The following ARL15 variants were observed in gnomAD, a reference collection of about 807,000 sequenced individuals.
ARL15 encodes the protein ADP-ribosylation factor-like protein 15.
A neutral mutation model predicts 25.2 loss-of-function variants in ARL15; 19 were observed. That is an observed-to-expected ratio of 0.75 (90% CI 0.53 to 1.10). The LOEUF is 1.10. Among genes scored for constraint, ARL15 ranks in the 50% least tolerant of loss-of-function variants. The probability of loss-of-function intolerance (pLI) is 0.00; values close to 1 mark genes in which losing one functional copy is unlikely to be tolerated. For missense variants in ARL15, 220 were observed against 246.0 expected (o/e 0.89, Z 0.71); for synonymous variants, 94 against 86.8 (o/e 1.08, Z -0.46).
At chr5:53,947,825 A>G (rs2112106511) in intron 4 of ARL15, among the ~76,000 whole-genome samples, 1 of 152,310 alleles carries the variant, frequency 6.6e-6, no homozygotes, top group Middle Eastern at 3.4e-3. Context: ...AAAGACTATG[A>G]CAACTAAGCA....
At chr5:54,057,280 A>G (rs1381390312) in intron 4 of ARL15, among the ~76,000 whole-genome samples, 1 of 152,178 alleles carries the variant, frequency 6.6e-6, no homozygotes, top group Non-Finnish European at 1.5e-5. Flanking sequence ...TTTCTGTCTG[A>G]TATTCCTGGA....
At chr5:53,930,890 G>A (rs568236892) in intron 4 of ARL15, among the ~76,000 whole-genome samples, 1 of 152,266 alleles carries the variant, frequency 6.6e-6, no homozygotes, top group South Asian at 2.1e-4. Flanking sequence ...CTGTCTTACA[G>A]ATTCTTTGAG....
chr5:54,056,250 GAGT>G (rs1750867373), intron 4 of ARL15, among the ~76,000 whole-genome samples: 2 of 152,090 alleles, frequency 1.3e-5, no homozygotes, highest in African/African-American at 2.4e-5. Context: ...TGTTTTTAAA[GAGT>G]TTAACCCAAT....
chr5:53,995,092 C>T (rs1243382752), intron 4 of ARL15, among the ~76,000 whole-genome samples: 2 of 151,996 alleles, frequency 1.3e-5, no homozygotes, highest in Non-Finnish European at 2.9e-5. Context: ...AGGCAGATCA[C>T]GAGGTCAGGA....
intron 4 of ARL15, among the ~76,000 whole-genome samples, chr5:53,920,651 TAATA>T (rs377705778): frequency 0.015 from 2,106 of 141,196 alleles, 33 homozygotes; most frequent in African/African-American, 0.042. Context: ...TATTAAAAAA[TAATA>T]AATAAATAAA....
intron 3 of ARL15, among the ~76,000 whole-genome samples, chr5:54,130,680 A>C (rs2112275501): frequency 6.6e-6 from 1 of 152,356 alleles, no homozygotes; most frequent in East Asian, 1.9e-4. Context: ...AAAATCAAAA[A>C]CAAGTAGGGA....
chr5:54,042,104 G>A (rs1296634474), intron 4 of ARL15, among the ~76,000 whole-genome samples: 1 of 151,752 alleles, frequency 6.6e-6, no homozygotes, highest in East Asian at 1.9e-4. Flanking sequence ...CCAAGTACCT[G>A]GGACTACAGG....
chr5:53,930,827 T>C (rs954003282), intron 4 of ARL15, among the ~76,000 whole-genome samples: 1 of 152,208 alleles, frequency 6.6e-6, no homozygotes, highest in African/African-American at 2.4e-5. Flanking sequence ...TATATACCAA[T>C]TTAATTTCAT....
At chr5:54,087,293 A>G (rs1436951964) in intron 4 of ARL15, among the ~76,000 whole-genome samples, 1 of 151,936 alleles carries the variant, frequency 6.6e-6, no homozygotes, top group Non-Finnish European at 1.5e-5. Context: ...AAGCCACTGC[A>G]CTCCAGCCTG....
intron 4 of ARL15, among the ~76,000 whole-genome samples, chr5:54,003,731 G>T (rs1381461904): frequency 6.6e-6 from 1 of 150,926 alleles, no homozygotes; most frequent in Non-Finnish European, 1.5e-5. Context: ...CTTTGGCCTG[G>T]AATTAAACTT....
intron 1 of ARL15, among the ~76,000 whole-genome samples, chr5:54,235,589 A>G (rs1180956006): frequency 6.6e-6 from 1 of 151,262 alleles, no homozygotes; most frequent in African/African-American, 2.4e-5. Flanking sequence ...TCCTGGGCTC[A>G]GCCTCCCAAG....
chr5:53,924,774 G>A (rs979432586), intron 4 of ARL15, among the ~76,000 whole-genome samples: 1 of 152,138 alleles, frequency 6.6e-6, no homozygotes, highest in African/African-American at 2.4e-5. Flanking sequence ...CAAGGAGGAG[G>A]TATATACATT....
chr5:53,894,841 G>A (rs936719314), intron 4 of ARL15, among the ~76,000 whole-genome samples: 40 of 152,264 alleles, frequency 2.6e-4, no homozygotes, highest in Non-Finnish European at 7.4e-5. Flanking sequence ...ACCTCAAGGG[G>A]ATCGCTTATG....
chr5:54,079,953 A>G (rs924533598), intron 4 of ARL15, among the ~76,000 whole-genome samples: 6 of 148,936 alleles, frequency 4.0e-5, no homozygotes, highest in Non-Finnish European at 8.9e-5. Context: ...CTCGGTGACA[A>G]GAGTGAGACT....
At chr5:53,887,006 C>T (rs1480608960) in intron 4 of ARL15, among the ~76,000 whole-genome samples, 1 of 152,188 alleles carries the variant, frequency 6.6e-6, no homozygotes, top group Non-Finnish European at 1.5e-5. Flanking sequence ...ATTATTTGCA[C>T]TATGGCACCA....
At chr5:54,155,703 C>CACACAT (rs1554044085) in intron 2 of ARL15, among the ~76,000 whole-genome samples, 2 of 151,438 alleles carry the variant, frequency 1.3e-5, no homozygotes, top group African/African-American at 4.9e-5. Flanking sequence ...CACACACACA[C>CACACAT]GCACACACAC....
intron 3 of ARL15, among the ~76,000 whole-genome samples, chr5:54,135,677 T>A (rs995776464): frequency 6.6e-6 from 1 of 152,190 alleles, no homozygotes; most frequent in Admixed American, 6.5e-5. Flanking sequence ...TGAGACTGAC[T>A]TCCTCACCAT....
intron 4 of ARL15, among the ~76,000 whole-genome samples, chr5:54,049,443 T>G (rs1159947329): frequency 6.6e-6 from 1 of 152,080 alleles, no homozygotes; most frequent in East Asian, 1.9e-4. Flanking sequence ...TATCTACATT[T>G]ATCTTAAATA....
chr5:53,999,797 G>C (rs1156561715), intron 4 of ARL15, among the ~76,000 whole-genome samples: 8 of 151,948 alleles, frequency 5.3e-5, no homozygotes, highest in Admixed American at 5.2e-4. Context: ...TCAGGAGGCT[G>C]AGGCAGGAGA....
Sources: allele counts gnomAD v4.1 joint callset (sites outside exome capture counted in the v4.1 genomes callset), GRCh38; gene constraint gnomAD v4.1.1; transcripts MANE v1.5; gene names NCBI Gene and HGNC (gene_info 2026-07-23, HGNC 2026-07-21).